GSE1: variants seen among roughly 807,000 people sequenced by gnomAD.
GSE1 encodes the protein Gse1 coiled-coil protein.
Under a neutral mutation model 112.6 loss-of-function variants are expected in GSE1, and 32 were observed. The ratio of observed to expected loss-of-function variants is 0.28; its 90% CI spans 0.21 to 0.38. The LOEUF is 0.38. Ranked by LOEUF, GSE1 falls within the 10% of genes least tolerant of loss-of-function variation. The probability of loss-of-function intolerance (pLI) is 1.00; values close to 1 mark genes in which losing one functional copy is unlikely to be tolerated. For missense variants in GSE1, 2,348 were observed against 1,699.2 expected (o/e 1.38, Z -6.71); for synonymous variants, 1,115 against 735.6 (o/e 1.52, Z -8.35).
At chr16:85,307,336 A>C (rs967698007) in intron 1 of GSE1, among the ~76,000 whole-genome samples, 199 of 152,330 alleles carry the variant, frequency 1.3e-3, no homozygotes, top group African/African-American at 4.7e-3. Flanking sequence ...GTTCCAAGGC[A>C]GCTTCTAAGA....
At position 85,668,387 on chromosome 16, in the gene GSE1, C is replaced by A. The variant is rs555601863; in HGVS notation, c.3378C>A (p.Ile1126=). The A allele has an allele frequency of 9.3e-6, 15 of 1,611,410 alleles. No homozygotes were observed. Among genetic ancestry groups the A allele is most frequent in the Non-Finnish European group, 1.2e-5 (14 of 1,179,510 alleles). The change falls in exon 14 of 16, where the codon ATC becomes ATA. Residue 1126 remains isoleucine (I), a synonymous_variant. Coordinates refer to ENST00000253458, the MANE Select transcript of GSE1 (RefSeq NM_014615.5). ...EEVPKRKWQG[I]EAVFEAYQEH... ...TCCCCAAGCGCAAGTGGCAAGGGATCGAGGCCGTTTTTGAAGCTTACCAGG... is the reference window on the plus strand; with the variant it reads ...TCCCCAAGCGCAAGTGGCAAGGGATAGAGGCCGTTTTTGAAGCTTACCAGG...
intron 2 of GSE1, among the ~76,000 whole-genome samples, chr16:85,398,088 T>G (rs988593550): frequency 1.3e-5 from 2 of 152,104 alleles, no homozygotes; most frequent in African/African-American, 4.8e-5. Context: ...TATTCTGGGG[T>G]ATCTTGGAGC....
chr16:85,357,686 A>G, intron 2 of GSE1: 1 of 1,242,716 alleles, frequency 8.0e-7, no homozygotes, highest in Non-Finnish European at 1.1e-6. Flanking sequence ...CTGGGCTGGG[A>G]TGCGGTTGTC....
intron 1 of GSE1, among the ~76,000 whole-genome samples, chr16:85,234,183 G>C (rs370511399): frequency 6.6e-6 from 1 of 152,096 alleles, no homozygotes; most frequent in Non-Finnish European, 1.5e-5. Flanking sequence ...TCCACTCCCC[G>C]CCCTCCTATA....
intron 1 of GSE1, among the ~76,000 whole-genome samples, chr16:85,290,982 GCAGA>G (rs1483257260): frequency 2.6e-5 from 4 of 152,268 alleles, no homozygotes; most frequent in Non-Finnish European, 5.9e-5. Flanking sequence ...CAGAGCCGTA[GCAGA>G]CAGACATGGG....
At chr16:85,542,122 G>C (rs945955887) in intron 2 of GSE1, among the ~76,000 whole-genome samples, 2 of 152,192 alleles carry the variant, frequency 1.3e-5, no homozygotes, top group Non-Finnish European at 2.9e-5. Flanking sequence ...GTTGGAGGAG[G>C]GGGAGCCCGC....
chr16:85,237,460 G>A (rs1904775928), intron 1 of GSE1, among the ~76,000 whole-genome samples: 1 of 152,190 alleles, frequency 6.6e-6, no homozygotes, highest in African/African-American at 2.4e-5. Flanking sequence ...TGGGGCTACA[G>A]TCCTGGGAGG....
Position 85,655,733 on chromosome 16 carries a change from G to T in GSE1, c.805G>T (p.Asp269Tyr), listed in dbSNP as rs370359409. Residue 269 changes from aspartate (D) to tyrosine (Y), a missense_variant, in exon 6 of 16, where the codon GAC (aspartate) becomes TAC (tyrosine). Physicochemically the swap from Asp to Tyr is radical, Grantham distance 160 (BLOSUM62 -3). Coordinates refer to ENST00000253458, the MANE Select transcript of GSE1 (RefSeq NM_014615.5). ...PFPHPAFRMD[D>Y]SYCLSALRSP... ...CCCGTCTTCTCTGCACAGGATGGAC[G>T]ACTCCTACTGCCTGTCTGCCCTGAG... is the stretch of plus-strand genomic sequence containing the variant. 67 of 1,601,126 alleles carry T rather than the reference G, an allele frequency of 4.2e-5. No homozygotes were observed. The highest frequency in any genetic ancestry group is 5.4e-5 in the Non-Finnish European group (63 of 1,173,570).
intron 1 of GSE1, among the ~76,000 whole-genome samples, chr16:85,237,687 A>G (rs767519760): frequency 6.6e-6 from 1 of 151,790 alleles, no homozygotes. Context: ...AAGTACAAAA[A>G]ATTAGCCAGG....
In GSE1 at chr16:85,469,472, C is replaced by T. The variant is rs369535115; in HGVS notation, c.2464+111829C>T. On this transcript the variant is annotated intron_variant, in intron 2 of 2. Transcript: ENST00000637419. Reference sequence around the variant, plus strand: ...TGTGGGAGCGGGGTTGGACATCTGGCCTCTGGGACTGTGAGGGAGGGCATT... The same window carrying T: ...TGTGGGAGCGGGGTTGGACATCTGGTCTCTGGGACTGTGAGGGAGGGCATT... 5.9e-5 allele frequency among the ~76,000 whole-genome samples: 9 copies of T among 152,304 alleles called. No homozygotes were observed. The South Asian group carries it at 1.0e-3, about 18-fold the overall frequency.
exon 1 of GSE1, chr16:85,171,024 C>T: frequency 1.0e-6 from 1 of 985,722 alleles, no homozygotes; most frequent in South Asian, 4.7e-5. Flanking sequence ...CCAGGATCCT[C>T]AACGGCAACG....
intron 2 of GSE1, among the ~76,000 whole-genome samples, chr16:85,469,945 T>C (rs1335516064): frequency 6.6e-6 from 1 of 152,136 alleles, no homozygotes; most frequent in Non-Finnish European, 1.5e-5. Context: ...CAGGACCCCA[T>C]CCTCACTGTG....
intron 1 of GSE1, among the ~76,000 whole-genome samples, chr16:85,576,673 C>A (rs1024623081): frequency 2.6e-5 from 4 of 152,200 alleles, no homozygotes; most frequent in Non-Finnish European, 4.4e-5. Context: ...GTCACCTATT[C>A]TTGATGTAGA....
intron 1 of GSE1, among the ~76,000 whole-genome samples, chr16:85,326,384 G>C (rs1012522100): frequency 1.4e-4 from 22 of 152,206 alleles, no homozygotes; most frequent in African/African-American, 5.1e-4. Flanking sequence ...AATGAGTTTA[G>C]CCTGTGATAT....
intron 1 of GSE1, among the ~76,000 whole-genome samples, chr16:85,622,305 AC>A (rs2048791664): frequency 6.6e-6 from 1 of 152,154 alleles, no homozygotes; most frequent in Admixed American, 6.5e-5. Context: ...TGGGCACAGC[AC>A]TTGGGGCTTT....
intron 2 of GSE1, among the ~76,000 whole-genome samples, chr16:85,374,681 C>G (rs1186169820): frequency 6.6e-6 from 1 of 152,168 alleles, no homozygotes; most frequent in African/African-American, 2.4e-5. Flanking sequence ...GCCCATGACC[C>G]TGGAGGGGGT....
At chr16:85,306,757 C>G (rs537986549) in intron 1 of GSE1, among the ~76,000 whole-genome samples, 2 of 152,296 alleles carry the variant, frequency 1.3e-5, no homozygotes, top group East Asian at 3.9e-4. Context: ...CACCTCCAGC[C>G]CTGGGTATGG....
chr16:85,442,744 A>G (rs1349020255), intron 2 of GSE1, among the ~76,000 whole-genome samples: 1 of 152,150 alleles, frequency 6.6e-6, no homozygotes, highest in Non-Finnish European at 1.5e-5. Context: ...CTGCCCCCTT[A>G]GCTCCCGTAT....
intron 8 of GSE1, among the ~76,000 whole-genome samples, 182 bp from the exon 9 acceptor site, chr16:85,660,964 G>T (rs1312998956): frequency 1.3e-5 from 2 of 152,192 alleles, no homozygotes; most frequent in Admixed American, 1.3e-4. Context: ...AAGAGAAAAT[G>T]AAAGACAGAA....
Sources: gnomAD v4.1 joint callset for allele counts (sites outside exome capture counted in the v4.1 genomes callset) on GRCh38, gnomAD v4.1.1 for gene constraint, MANE v1.5 for transcripts, NCBI Gene and HGNC (gene_info 2026-07-23, HGNC 2026-07-21) for gene names.